The following PELI1 variants were observed in gnomAD, a reference collection of about 807,000 sequenced individuals.
The protein encoded by PELI1 is pellino E3 ubiquitin protein ligase 1.
PELI1 carries 15 observed loss-of-function variants against 41.3 expected under a neutral mutation model. That is an observed-to-expected ratio of 0.36 (90% CI 0.24 to 0.56). The LOEUF is 0.56. PELI1 is among the 20% of genes least tolerant of loss of function. The pLI, the probability that PELI1 is intolerant of heterozygous loss-of-function variation, is 0.82. For missense variants in PELI1, 403 were observed against 525.5 expected (o/e 0.77, Z 2.28); for synonymous variants, 178 against 180.1 (o/e 0.99, Z 0.09).
Position 64,100,474 on chromosome 2 carries a change from C to T in PELI1, c.227G>A (p.Ser76Asn). Residue 76 changes from serine to asparagine, a missense_variant, in exon 4 of 7, where the codon AGC becomes AAC. Ser to Asn is a conservative substitution (Grantham distance 46). Coordinates refer to ENST00000358912, the MANE Select transcript of PELI1 (RefSeq NM_020651.4). ...GGCCCGAGATAAAGTATATGATATG[C>T]TATGCTGGTCTTTGTTGCTTATTGC... ...AKAISNKDQHSISYTLSRAQT... is the reference protein window; with the variant it reads ...AKAISNKDQHNISYTLSRAQT... 6.3e-7 allele frequency: 1 copy of T among 1,583,400 alleles called. No individual in the cohort carries two copies. The highest frequency in any genetic ancestry group is 8.7e-7 in the Non-Finnish European group (1 of 1,152,576).
chr2:64,102,855 TA>T (rs55688665), intron 3 of PELI1, among the ~76,000 whole-genome samples: 33,993 of 136,972 alleles, frequency 0.25, 5,232 homozygotes, highest in East Asian at 0.69. Context: ...TTTTTTTTTT[TA>T]AACTGAGACA....
rs1558468891 is a variant in PELI1 at position 64,094,278 on chromosome 2, T to C, written c.*424A>G. On this transcript the variant is annotated 3_prime_UTR_variant, in exon 7 of 7. Coordinates refer to ENST00000358912, the MANE Select transcript of PELI1 (RefSeq NM_020651.4). ...CAAGAACATTCTAAGGTATTTTCTATAATAAAGATAAATAGAAAAAAGTTA... is the reference window on the plus strand; with the variant it reads ...CAAGAACATTCTAAGGTATTTTCTACAATAAAGATAAATAGAAAAAAGTTA... 1 of 159,906 alleles carries C rather than the reference T, an allele frequency of 6.3e-6. No individual in the cohort carries two copies. Among genetic ancestry groups the C allele is most frequent in the Non-Finnish European group, 1.4e-5 (1 of 72,504 alleles). The allele number at this position is 159,906 out of a possible 1,614,324, so 9.9% of individuals were successfully genotyped here.
rs1029444653 is a variant in PELI1, at chr2:64,118,980, GT to G, written c.-69-10602del. ...ACATTAAGTTCTAAAATATGTTTTT[GT>G]TTTTTTTTTTAAAGCCCTAAGTACT... On this transcript the variant is annotated intron_variant, in intron 1 of 6. Coordinates refer to ENST00000358912, the MANE Select transcript of PELI1 (RefSeq NM_020651.4). Among the ~76,000 whole-genome samples the G allele has an allele frequency of 7.9e-4, 110 of 139,128 alleles. 1 individual carries two copies. Among genetic ancestry groups the G allele is most frequent in the Middle Eastern group, 7.2e-3 (2 of 278 alleles). 91.3% of individuals were successfully genotyped at this position (139,128 alleles called of 152,430 possible).
Position 64,121,778 on chromosome 2 carries a change from G to A in PELI1, c.-69-13399C>T, listed in dbSNP as rs753597494. On this transcript the variant is annotated intron_variant, in intron 1 of 6. Coordinates refer to ENST00000358912, the MANE Select transcript of PELI1 (RefSeq NM_020651.4). ...AAATTAGCCAGGCGTGGTGGCACAT[G>A]CCTGTAATCCCAGCTACTTGGGAGG... is the stretch of plus-strand genomic sequence containing the variant. 1.7e-4 allele frequency among the ~76,000 whole-genome samples: 26 copies of A among 151,992 alleles called. 1 individual carries two copies. The highest frequency in any genetic ancestry group is 3.3e-4 in the Admixed American group (5 of 15,252).
Position 64,130,682 on chromosome 2 carries a change from G to A in PELI1, c.-70+13399C>T, listed in dbSNP as rs372684186. ...AAAAGTTTGCTAAATTAGATCTTACGAAATCTTCATTTTAATTTGGTGCAT... is the reference window on the plus strand; with the variant it reads ...AAAAGTTTGCTAAATTAGATCTTACAAAATCTTCATTTTAATTTGGTGCAT... On this transcript the variant is annotated intron_variant, in intron 1 of 6. Coordinates refer to ENST00000358912, the MANE Select transcript of PELI1 (RefSeq NM_020651.4). Among the ~76,000 whole-genome samples the A allele has an allele frequency of 7.9e-5, 12 of 152,180 alleles. No homozygotes were observed. The East Asian group carries it at 1.2e-3, about 15-fold the overall frequency.
chr2:64,095,499 AAAACATCTG>A (rs1680203225), intron 6 of PELI1, among the ~76,000 whole-genome samples: 1 of 152,232 alleles, frequency 6.6e-6, no homozygotes, highest in African/African-American at 2.4e-5. Flanking sequence ...ACTTATGATT[AAAACATCTG>A]GCTAATCAAT....
intron 4 of PELI1, 71 bp from the exon 5 acceptor site, chr2:64,096,681 C>A (rs1191600774): frequency 1.0e-6 from 1 of 976,318 alleles, no homozygotes; most frequent in Non-Finnish European, 1.6e-6. Flanking sequence ...AAGAAGGGCA[C>A]AATAAGGAGA....
chr2:64,135,845 C>T (rs1342462832), intron 1 of PELI1, among the ~76,000 whole-genome samples: 2 of 152,196 alleles, frequency 1.3e-5, no homozygotes, highest in African/African-American at 2.4e-5. Flanking sequence ...AACTTCTCTT[C>T]AAATGCAAGG....
intron 1 of PELI1, among the ~76,000 whole-genome samples, chr2:64,136,379 A>G (rs1441978102): frequency 6.6e-6 from 1 of 152,050 alleles, no homozygotes; most frequent in Non-Finnish European, 1.5e-5. Context: ...CTGGCTATCT[A>G]TACATACACA....
chr2:64,121,098 C>A (rs1007214401), intron 1 of PELI1, among the ~76,000 whole-genome samples: 1 of 152,108 alleles, frequency 6.6e-6, no homozygotes, highest in African/African-American at 2.4e-5. Flanking sequence ...TAGGTTACAG[C>A]GAAATAAATC....
At position 64,135,466 on chromosome 2, in the gene PELI1, C is replaced by T. The variant is rs112792073; in HGVS notation, c.-70+8615G>A. Among the ~76,000 whole-genome samples, 806 of 152,246 alleles carry T rather than the reference C, an allele frequency of 5.3e-3. 3 individuals carry two copies. Among genetic ancestry groups the T allele is most frequent in the Middle Eastern group, 0.01 (3 of 294 alleles). ...TGTACTTGCCATCCACAGGTTACTA[C>T]TTTATAACCTTAATTCATTCCAAGT... On this transcript the variant is annotated intron_variant, in intron 1 of 6. Coordinates refer to ENST00000358912, the MANE Select transcript of PELI1 (RefSeq NM_020651.4).
intron 1 of PELI1, among the ~76,000 whole-genome samples, chr2:64,142,013 G>T (rs1399683432): frequency 6.6e-6 from 1 of 152,138 alleles, no homozygotes; most frequent in African/African-American, 2.4e-5. Context: ...GGAAAGAATG[G>T]ATTCCCTCCC....
chr2:64,140,810 A>AAAAAAAAAAAAC (rs1558490182), intron 1 of PELI1, among the ~76,000 whole-genome samples: 5 of 147,120 alleles, frequency 3.4e-5, no homozygotes, highest in African/African-American at 1.3e-4. Flanking sequence ...CAAACAAACA[A>AAAAAAAAAAAAC]AAAAAAACCT....
rs935284557 is a variant in PELI1, at chr2:64,113,125, A to T, written c.-69-4746T>A. ...AGACTCCCGTCTCTACAAAAGATTTAAAAAAAAAAAAGTAAAAACAGAAAA... is the reference window on the plus strand; with the variant it reads ...AGACTCCCGTCTCTACAAAAGATTTTAAAAAAAAAAAGTAAAAACAGAAAA... On this transcript the variant is annotated intron_variant, in intron 1 of 6. Coordinates refer to ENST00000358912, the MANE Select transcript of PELI1 (RefSeq NM_020651.4). 9.0e-5 allele frequency among the ~76,000 whole-genome samples: 13 copies of T among 144,630 alleles called. 1 individual carries two copies. Among genetic ancestry groups the T allele is most frequent in the South Asian group, 2.2e-4 (1 of 4,586 alleles). 94.9% of individuals were successfully genotyped at this position (144,630 alleles called of 152,430 possible). A position where few individuals can be genotyped will look rare whatever the true frequency, so the allele number is the denominator to read the frequency against.
intron 1 of PELI1, among the ~76,000 whole-genome samples, chr2:64,128,960 T>C (rs1171852494): frequency 1.3e-5 from 2 of 152,192 alleles, no homozygotes; most frequent in Admixed American, 6.5e-5. Context: ...TTTGTTGCTG[T>C]TCTGTTTTAC....
At chr2:64,138,730 AAAC>A (rs954263929) in intron 1 of PELI1, among the ~76,000 whole-genome samples, 1 of 152,160 alleles carries the variant, frequency 6.6e-6, no homozygotes, top group Non-Finnish European at 1.5e-5. Context: ...TCCATCTCAA[AAAC>A]AAAAAACAAG....
chr2:64,119,898 T>A (rs951984401), intron 1 of PELI1, among the ~76,000 whole-genome samples: 5 of 151,864 alleles, frequency 3.3e-5, no homozygotes, highest in Admixed American at 6.6e-5. Context: ...ACACTCCATT[T>A]AAAAAAAACA....
At chr2:64,118,411 A>G (rs1452135420) in intron 1 of PELI1, among the ~76,000 whole-genome samples, 1 of 152,212 alleles carries the variant, frequency 6.6e-6, no homozygotes, top group Non-Finnish European at 1.5e-5. Context: ...TGGATCCAAA[A>G]CAATCATACA....
intron 1 of PELI1, among the ~76,000 whole-genome samples, chr2:64,127,792 C>A (rs1681436537): frequency 6.6e-6 from 1 of 152,018 alleles, no homozygotes; most frequent in Non-Finnish European, 1.5e-5. Context: ...CTCAGCTGAC[C>A]CCTGAAAGTT....
Sources: allele counts gnomAD v4.1 joint callset (sites outside exome capture counted in the v4.1 genomes callset), GRCh38; gene constraint gnomAD v4.1.1; transcripts MANE v1.5; gene names NCBI Gene and HGNC (gene_info 2026-07-23, HGNC 2026-07-21).